The following CDK6 variants were observed in gnomAD, a reference collection of about 807,000 sequenced individuals.
CDK6 encodes cyclin dependent kinase 6, also known as cyclin-dependent kinase 6.
A neutral mutation model predicts 37.1 loss-of-function variants in CDK6; 6 were observed. The observed-to-expected ratio is 0.16, with a 90% CI of 0.09 to 0.32. The LOEUF is 0.32. Among genes scored for constraint, CDK6 ranks in the 10% least tolerant of loss-of-function variants. CDK6 has a pLI of 1.00. For missense variants in CDK6, 224 were observed against 418.9 expected (o/e 0.53, Z 4.06); for synonymous variants, 160 against 161.3 (o/e 0.99, Z 0.06).
rs550622019 is a variant in CDK6 at position 92,612,672 on chromosome 7, T to C, written c.*2468A>G. Reference sequence around the variant, plus strand: ...TTTCTTCATAAGCACTGCCTAGAAATGAGTCAAAAGCAGATGCTAGGAATA... The same window carrying C: ...TTTCTTCATAAGCACTGCCTAGAAACGAGTCAAAAGCAGATGCTAGGAATA... On this transcript the variant is annotated 3_prime_UTR_variant, in exon 8 of 8. Coordinates refer to ENST00000424848, the MANE Select transcript of CDK6 (RefSeq NM_001145306.2). 1 of 233,126 alleles carries C rather than the reference T, an allele frequency of 4.3e-6. No homozygotes were observed. Among genetic ancestry groups the C allele is most frequent in the African/African-American group, 2.2e-5 (1 of 45,458 alleles). 14.4% of individuals were successfully genotyped at this position (233,126 alleles called of 1,614,324 possible).
chr7:92,790,876 G>C (rs1401571558), intron 2 of CDK6, among the ~76,000 whole-genome samples: 1 of 152,154 alleles, frequency 6.6e-6, no homozygotes, highest in African/African-American at 2.4e-5. Context: ...ACCAAAGAAA[G>C]TGTGAGCAGG....
At chr7:92,686,634 G>C (rs898342767) in intron 4 of CDK6, among the ~76,000 whole-genome samples, 4 of 151,812 alleles carry the variant, frequency 2.6e-5, no homozygotes, top group East Asian at 1.9e-4. Flanking sequence ...TTTTCCTTTG[G>C]GTAGATACCC....
At chr7:92,760,699 C>G (rs903920940) in intron 3 of CDK6, among the ~76,000 whole-genome samples, 2 of 152,090 alleles carry the variant, frequency 1.3e-5, no homozygotes, top group African/African-American at 4.8e-5. Context: ...AATACCCTGA[C>G]AGAGATATAT....
chr7:92,782,854 A>T (rs753286954), intron 2 of CDK6, among the ~76,000 whole-genome samples: 3 of 152,250 alleles, frequency 2.0e-5, no homozygotes, highest in African/African-American at 7.2e-5. Context: ...TAAATGACTT[A>T]AAAATGTCAA....
At chr7:92,721,950 T>C (rs1208629578) in intron 4 of CDK6, among the ~76,000 whole-genome samples, 1 of 152,216 alleles carries the variant, frequency 6.6e-6, no homozygotes, top group South Asian at 2.1e-4. Context: ...ATCCAAAAGA[T>C]GCCTTGTCTT....
At chr7:92,644,406 G>A (rs565716981) in intron 5 of CDK6, among the ~76,000 whole-genome samples, 1 of 152,294 alleles carries the variant, frequency 6.6e-6, no homozygotes, top group Non-Finnish European at 1.5e-5. Flanking sequence ...CATGTTCAAA[G>A]ACTGAAATAA....
At chr7:92,618,383 G>A in intron 6 of CDK6, 176 bp from the exon 7 acceptor site, 2 of 563,344 alleles carry the variant, frequency 3.6e-6, no homozygotes, top group South Asian at 4.9e-5. Flanking sequence ...GCAATATGGT[G>A]GCCATGGGGG....
intron 4 of CDK6, among the ~76,000 whole-genome samples, chr7:92,721,910 A>G (rs1392894705): frequency 6.6e-6 from 1 of 152,224 alleles, no homozygotes; most frequent in African/African-American, 2.4e-5. Flanking sequence ...TGGAAAGCTT[A>G]CCTGTCTAGA....
chr7:92,727,258 A>C (rs1798534766), intron 3 of CDK6, among the ~76,000 whole-genome samples: 1 of 152,144 alleles, frequency 6.6e-6, no homozygotes, highest in Non-Finnish European at 1.5e-5. Context: ...ACCACCATGG[A>C]TTTCAGAGCT....
intron 2 of CDK6, among the ~76,000 whole-genome samples, chr7:92,831,859 CT>C (rs1299322071): frequency 6.6e-6 from 1 of 152,176 alleles, no homozygotes; most frequent in Admixed American, 6.5e-5. Flanking sequence ...GATATTTGGT[CT>C]CTCTGAGTCT....
intron 3 of CDK6, among the ~76,000 whole-genome samples, chr7:92,730,541 C>G (rs1017524223): frequency 6.6e-6 from 1 of 152,074 alleles, no homozygotes; most frequent in Admixed American, 6.6e-5. Context: ...CCCCATGTAC[C>G]CCTCCCCTCA....
At chr7:92,719,833 C>A (rs549974984) in intron 4 of CDK6, among the ~76,000 whole-genome samples, 1 of 152,150 alleles carries the variant, frequency 6.6e-6, no homozygotes, top group Non-Finnish European at 1.5e-5. Flanking sequence ...GAGTGGCTGG[C>A]TCTAACTGCC....
chr7:92,689,458 G>A (rs1797549290), intron 4 of CDK6, among the ~76,000 whole-genome samples: 1 of 152,084 alleles, frequency 6.6e-6, no homozygotes, highest in African/African-American at 2.4e-5. Flanking sequence ...AGTATTCCAT[G>A]GTGTATATGT....
At chr7:92,665,563 T>C (rs1273995665) in intron 5 of CDK6, among the ~76,000 whole-genome samples, 2 of 152,258 alleles carry the variant, frequency 1.3e-5, no homozygotes, top group Non-Finnish European at 2.9e-5. Context: ...ATCTGCCCTA[T>C]GACTCTCTTT....
At chr7:92,778,946 T>TATATATATATATATATATATATATAAA (rs1479181745) in intron 2 of CDK6, among the ~76,000 whole-genome samples, 1 of 135,002 alleles carries the variant, frequency 7.4e-6, no homozygotes, top group African/African-American at 3.0e-5. Flanking sequence ...TATATATATA[T>TATATATATATATATATATATATATAAA]AAGATATTAT....
chr7:92,812,385 G>A lies in CDK6; in HGVS notation c.233+20706C>T, dbSNP rs546311256. ...TGTTTGTTATTTCTGAGGCCCATGT[G>A]TAGCTTCAGACTTTTAATTTAAATT... On this transcript the variant is annotated intron_variant, in intron 2 of 7. Transcript: ENST00000424848. 3.3e-5 allele frequency among the ~76,000 whole-genome samples: 5 copies of A among 151,828 alleles called. No individual in the cohort carries two copies. The East Asian group carries it at 5.8e-4, about 18-fold the overall frequency.
chr7:92,672,232 CACACACACACAT>C (rs1345337532), intron 4 of CDK6, among the ~76,000 whole-genome samples: 5 of 144,944 alleles, frequency 3.4e-5, no homozygotes, highest in African/African-American at 1.3e-4. Context: ...CACACACACA[CACACACACACAT>C]ATATGAAGAT....
chr7:92,661,230 G>A (rs1221625200), intron 5 of CDK6, among the ~76,000 whole-genome samples: 2 of 152,186 alleles, frequency 1.3e-5, no homozygotes, highest in African/African-American at 4.8e-5. Context: ...AATAATCCTG[G>A]TTCAAAGCCT....
chr7:92,777,780 T>TA (rs1391751478), intron 2 of CDK6, among the ~76,000 whole-genome samples: 2 of 152,214 alleles, frequency 1.3e-5, no homozygotes, highest in African/African-American at 4.8e-5. Context: ...AAGTCAATGG[T>TA]AGCTGGATGG....
Sources: gnomAD v4.1 joint callset for allele counts (sites outside exome capture counted in the v4.1 genomes callset) on GRCh38, gnomAD v4.1.1 for gene constraint, MANE v1.5 for transcripts, NCBI Gene and HGNC (gene_info 2026-07-23, HGNC 2026-07-21) for gene names.